The following MCC variants were observed in gnomAD, a reference collection of about 807,000 sequenced individuals.
The protein encoded by MCC is MCC regulator of Wnt signaling pathway.
In MCC, 90 loss-of-function variants were observed where a neutral mutation model predicts 116.2. That is an observed-to-expected ratio of 0.77 (90% CI 0.65 to 0.92). The LOEUF (loss-of-function observed/expected upper bound fraction) is 0.92, where lower values mean the gene tolerates loss of function less well. MCC is among the 40% of genes least tolerant of loss of function. MCC has a pLI of 0.00. For synonymous variants in MCC, 578 were observed against 510.5 expected, an observed-to-expected ratio of 1.13 and a Z score of -1.78; for missense variants, 1,516 against 1,312.2, an observed-to-expected ratio of 1.16 and a Z score of -2.40.
chr5:113,429,858 T>C (rs1770580121), intron 1 of MCC, among the ~76,000 whole-genome samples: 1 of 152,204 alleles, frequency 6.6e-6, no homozygotes, highest in Non-Finnish European at 1.5e-5. Context: ...ACACAGTCAA[T>C]GACATTAGCA....
intron 2 of MCC, among the ~76,000 whole-genome samples, chr5:113,341,405 G>C (rs1561530919): frequency 6.6e-6 from 1 of 151,904 alleles, no homozygotes; most frequent in Non-Finnish European, 1.5e-5. Flanking sequence ...GGCTGGTCTT[G>C]AACTCCTGGG....
intron 8 of MCC, among the ~76,000 whole-genome samples, chr5:113,093,721 CA>C (rs201516983): frequency 0.02 from 3,058 of 152,064 alleles, 60 homozygotes; most frequent in Non-Finnish European, 0.025. Flanking sequence ...TGTGGGAGCA[CA>C]GACAAGAGTC....
At chr5:113,277,864 C>G (rs1000825575) in intron 3 of MCC, among the ~76,000 whole-genome samples, 2 of 152,174 alleles carry the variant, frequency 1.3e-5, no homozygotes, top group African/African-American at 4.8e-5. Context: ...CAAAGATGCC[C>G]AAATCCTGAC....
chr5:113,208,817 C>G (rs1275905388), intron 3 of MCC, among the ~76,000 whole-genome samples: 2 of 151,698 alleles, frequency 1.3e-5, no homozygotes, highest in Non-Finnish European at 2.9e-5. Flanking sequence ...TACTCAAAAG[C>G]AATATGTCCC....
chr5:113,347,454 C>G (rs985274359), intron 2 of MCC, among the ~76,000 whole-genome samples: 3 of 151,826 alleles, frequency 2.0e-5, no homozygotes, highest in Admixed American at 2.0e-4. Flanking sequence ...ACATATGTAA[C>G]AAACCTGCAC....
At chr5:113,288,282 C>T (rs1461230066) in intron 3 of MCC, among the ~76,000 whole-genome samples, 3 of 152,242 alleles carry the variant, frequency 2.0e-5, no homozygotes, top group Non-Finnish European at 4.4e-5. Flanking sequence ...TAAAGCCCTG[C>T]CTGCAGGGCT....
At chr5:113,451,486 G>A (rs571072965) in intron 1 of MCC, among the ~76,000 whole-genome samples, 1 of 151,246 alleles carries the variant, frequency 6.6e-6, no homozygotes, top group South Asian at 2.1e-4. Context: ...TGTAATCCCA[G>A]CACTTTGGGA....
chr5:113,133,576 G>A (rs1224864545), intron 5 of MCC, among the ~76,000 whole-genome samples: 1 of 152,036 alleles, frequency 6.6e-6, no homozygotes, highest in Non-Finnish European at 1.5e-5. Context: ...GTGAAGTGCT[G>A]CAATAAACAA....
chr5:113,043,696 G>T, intron 16 of MCC, 66 bp from the exon 17 acceptor site: 1 of 1,185,324 alleles, frequency 8.4e-7, no homozygotes. Context: ...GAAGCCTGCA[G>T]CAGAGCGCGG....
At chr5:113,402,857 C>T (rs138442161) in intron 1 of MCC, among the ~76,000 whole-genome samples, 580 of 152,132 alleles carry the variant, frequency 3.8e-3, no homozygotes, top group Non-Finnish European at 5.2e-3. Flanking sequence ...GGCAGTGGTG[C>T]GATCATAGTT....
chr5:113,486,751 G>T (rs567187731), intron 1 of MCC, among the ~76,000 whole-genome samples: 30 of 151,732 alleles, frequency 2.0e-4, no homozygotes, highest in Admixed American at 5.9e-4. Context: ...GCTGAGGCAG[G>T]AGAATCTCTT....
chr5:113,252,571 T>A (rs1764842961), intron 3 of MCC, among the ~76,000 whole-genome samples: 2 of 151,698 alleles, frequency 1.3e-5, no homozygotes, highest in South Asian at 4.2e-4. Context: ...TTACAGTGAG[T>A]TGTGTAATTA....
chr5:113,230,096 G>A (rs1763888699), intron 3 of MCC, among the ~76,000 whole-genome samples: 1 of 152,192 alleles, frequency 6.6e-6, no homozygotes, highest in Admixed American at 6.5e-5. Flanking sequence ...ATGTTAAATA[G>A]TGGATTCTAA....
At position 113,363,754 on chromosome 5, in the gene MCC, T is replaced by C. The variant is rs117847521; in HGVS notation, c.415+21214A>G. Among the ~76,000 whole-genome samples, 7 of 152,262 alleles carry C rather than the reference T, an allele frequency of 4.6e-5. No homozygotes were observed. The East Asian group carries it at 1.2e-3, about 25-fold the overall frequency. ...GCAAAATACAATCATGCCTTCCCAA[T>C]AGTCCCCGAAAGTCTTATTTCAGCA... On this transcript the variant is annotated intron_variant, in intron 2 of 18. Coordinates refer to ENST00000408903, the MANE Select transcript of MCC (RefSeq NM_001085377.2).
chr5:113,386,934 T>C (rs1769274670), intron 1 of MCC, among the ~76,000 whole-genome samples: 1 of 152,124 alleles, frequency 6.6e-6, no homozygotes, highest in South Asian at 2.1e-4. Context: ...AGTAGTGTTA[T>C]AAAAGTATAC....
intron 3 of MCC, among the ~76,000 whole-genome samples, chr5:113,241,932 T>G (rs1019351895): frequency 1.3e-5 from 2 of 152,186 alleles, no homozygotes; most frequent in African/African-American, 4.8e-5. Context: ...ATCAGATTTT[T>G]TACATTCTTT....
chr5:113,166,527 T>C (rs1201922627), intron 3 of MCC, among the ~76,000 whole-genome samples: 2 of 151,928 alleles, frequency 1.3e-5, no homozygotes, highest in Non-Finnish European at 2.9e-5. Context: ...TGGGTGATAA[T>C]ACAGTTTAAA....
chr5:113,384,150 C>T (rs987797317), intron 2 of MCC, among the ~76,000 whole-genome samples: 16 of 151,976 alleles, frequency 1.1e-4, no homozygotes, highest in African/African-American at 3.1e-4. Flanking sequence ...TACAAGAAAC[C>T]CCATGTTCCC....
At chr5:113,487,280 G>A (rs918717172) in intron 1 of MCC, among the ~76,000 whole-genome samples, 3 of 151,232 alleles carry the variant, frequency 2.0e-5, no homozygotes, top group Non-Finnish European at 2.9e-5. Context: ...CCAAGACATA[G>A]ACTAAAGAAA....
Sources: gnomAD v4.1 joint callset for allele counts (sites outside exome capture counted in the v4.1 genomes callset) on GRCh38, gnomAD v4.1.1 for gene constraint, MANE v1.5 for transcripts, NCBI Gene and HGNC (gene_info 2026-07-23, HGNC 2026-07-21) for gene names.